Variants in CENPK observed in about 807,000 individuals in gnomAD.
The protein encoded by CENPK is centromere protein K, also known as SoxLZ/Sox6-binding protein Solt.
In CENPK, 46 loss-of-function variants were observed where a neutral mutation model predicts 40.9. That is an observed-to-expected ratio of 1.13 (90% CI 0.89 to 1.44). The LOEUF is 1.44. Ranked by LOEUF, CENPK falls within the 40% of genes most tolerant of loss-of-function variation. The pLI is 0.00. For synonymous variants in CENPK, 107 were observed against 104.4 expected (o/e 1.02, Z -0.15); for missense variants, 288 against 303.5 (o/e 0.95, Z 0.38).
At chr5:65,511,832 A>G in the CENPK span, among the ~76,000 whole-genome samples, 18 of 152,196 alleles carry the variant, frequency 1.2e-4, no homozygotes, top group Non-Finnish European at 2.2e-4. Flanking sequence ...GGGTCCATGG[A>G]AAAATTGTCT....
chr5:65,517,113 T>G (rs1742915618), downstream of CENPK, among the ~76,000 whole-genome samples: 1 of 152,048 alleles, frequency 6.6e-6, no homozygotes, highest in Admixed American at 6.6e-5. Context: ...AGCTAATTTT[T>G]GGTATTTTTA....
intron 1 of CENPK, 50 bp downstream of exon 1, chr5:65,563,048 A>G: frequency 6.1e-6 from 2 of 329,624 alleles, no homozygotes; most frequent in South Asian, 8.8e-5. Context: ...TCAGGACTGG[A>G]GCTCCACAAG....
At position 65,528,538 on chromosome 5, in the gene CENPK, CT is replaced by C; in HGVS notation, c.510del (p.Glu171AsnfsTer7). On this transcript the variant is annotated frameshift_variant, in exon 9 of 11. Coordinates refer to ENST00000396679, the MANE Select transcript of CENPK (RefSeq NM_022145.5). LOFTEE classifies it high-confidence loss of function. ...GTACTCAAGAGTTTCTCCTTATATT[CT>C]TTTATATTAAGCATTTTAGTTTTCA... ...NELKTKMLNI[K>X]EYKEKLLSTL... 6.3e-7 allele frequency: 1 copy of C among 1,587,790 alleles called. No individual in the cohort carries two copies. The highest frequency in any genetic ancestry group is 1.4e-5 in the African/African-American group (1 of 73,294).
intron 6 of CENPK, among the ~76,000 whole-genome samples, chr5:65,531,554 A>G (rs561699183): frequency 1.3e-5 from 2 of 150,792 alleles, no homozygotes; most frequent in Admixed American, 1.3e-4. Context: ...GTTAGGCTGG[A>G]GTGCAGTGGC....
chr5:65,515,154 CA>C (rs1389983877), downstream of CENPK, among the ~76,000 whole-genome samples: 1 of 150,292 alleles, frequency 6.7e-6, no homozygotes, highest in Non-Finnish European at 1.5e-5. Flanking sequence ...TATATGCACT[CA>C]ATACTATAAA....
At chr5:65,545,372 A>G (rs1177726213) in intron 5 of CENPK, among the ~76,000 whole-genome samples, 10 of 123,692 alleles carry the variant, frequency 8.1e-5, no homozygotes, top group Non-Finnish European at 1.4e-4. Context: ...ACACACACAC[A>G]CACACACACG....
At chr5:65,549,475 CTAACTA>C (rs1413323496) in intron 5 of CENPK, among the ~76,000 whole-genome samples, 2 of 152,314 alleles carry the variant, frequency 1.3e-5, no homozygotes, top group Non-Finnish European at 2.9e-5. Flanking sequence ...CAACTTCTCT[CTAACTA>C]TAAGAGTCCT....
chr5:65,550,174 CAAAAA>C (rs56732964), intron 5 of CENPK, among the ~76,000 whole-genome samples: 4 of 59,514 alleles, frequency 6.7e-5, no homozygotes, highest in African/African-American at 1.2e-4. Context: ...GACTCCATCT[CAAAAA>C]AAAAAAAAAA....
At chr5:65,497,765 G>A in the CENPK span, among the ~76,000 whole-genome samples, 2 of 152,200 alleles carry the variant, frequency 1.3e-5, no homozygotes, top group Admixed American at 6.5e-5. Context: ...AGCACTTTTT[G>A]AGGGTGAGGT....
At chr5:65,560,065 G>C (rs1420769123) in intron 2 of CENPK, among the ~76,000 whole-genome samples, 2 of 151,626 alleles carry the variant, frequency 1.3e-5, no homozygotes, top group Non-Finnish European at 2.9e-5. Context: ...AAAAAAATAG[G>C]ATGAAAACAC....
At chr5:65,511,981 G>A in the CENPK span, among the ~76,000 whole-genome samples, 4 of 152,136 alleles carry the variant, frequency 2.6e-5, no homozygotes, top group Non-Finnish European at 5.9e-5. Context: ...TTCATGGGAG[G>A]AGGTCAAAAT....
intron 6 of CENPK, among the ~76,000 whole-genome samples, chr5:65,530,326 G>A (rs1337804686): frequency 6.6e-6 from 1 of 152,086 alleles, no homozygotes; most frequent in Admixed American, 6.6e-5. Flanking sequence ...CAAAATAAAA[G>A]TAAAGGTATG....
intron 6 of CENPK, among the ~76,000 whole-genome samples, chr5:65,538,957 A>C (rs770343321): frequency 2.0e-5 from 3 of 152,174 alleles, no homozygotes; most frequent in Non-Finnish European, 4.4e-5. Context: ...TCAAATCCCA[A>C]GACTTTCTTC....
chr5:65,527,604 C>T (rs116540977), intron 9 of CENPK, among the ~76,000 whole-genome samples: 3,181 of 141,302 alleles, frequency 0.023, 38 homozygotes, highest in Non-Finnish European at 0.035. Flanking sequence ...TTTGCTTTTT[C>T]AGAAAAGGTT....
At chr5:65,520,253 T>C (rs1743475123) in intron 10 of CENPK, among the ~76,000 whole-genome samples, 1 of 151,988 alleles carries the variant, frequency 6.6e-6, no homozygotes. Context: ...GTAAAGTGTC[T>C]GCTGCTGCTT....
intron 10 of CENPK, among the ~76,000 whole-genome samples, chr5:65,520,457 A>T (rs529251586): frequency 4.7e-4 from 72 of 152,270 alleles, no homozygotes; most frequent in African/African-American, 1.7e-3. Flanking sequence ...TTACACTATT[A>T]AAAAATTATA....
the CENPK span, among the ~76,000 whole-genome samples, chr5:65,508,136 A>G: frequency 3.9e-5 from 6 of 152,344 alleles, no homozygotes; most frequent in East Asian, 9.6e-4. Context: ...AAGGTACTAT[A>G]TTTCCCTGTG....
chr5:65,554,074 G>C (rs973762205), intron 3 of CENPK, among the ~76,000 whole-genome samples: 6 of 151,486 alleles, frequency 4.0e-5, no homozygotes, highest in African/African-American at 1.5e-4. Context: ...TCTTCTTTAT[G>C]CTTTGTATAC....
chr5:65,553,367 A>AG (rs1750441158), intron 3 of CENPK, among the ~76,000 whole-genome samples: 1 of 151,902 alleles, frequency 6.6e-6, no homozygotes, highest in Non-Finnish European at 1.5e-5. Flanking sequence ...CAAAAAAAAA[A>AG]AAGAAATCGA....
Sources: gnomAD v4.1 joint callset for allele counts (sites outside exome capture counted in the v4.1 genomes callset) on GRCh38, gnomAD v4.1.1 for gene constraint, MANE v1.5 for transcripts, NCBI Gene and HGNC (gene_info 2026-07-23, HGNC 2026-07-21) for gene names.